Variants in NCKAP5 observed in about 807,000 individuals in gnomAD.
NCKAP5 encodes the protein NCK associated protein 5, also known as nck-associated protein 5.
A neutral mutation model predicts 167.0 loss-of-function variants in NCKAP5; 92 were observed. The observed-to-expected ratio is 0.55, with a 90% CI of 0.47 to 0.66. The LOEUF is 0.66. Among genes scored for constraint, NCKAP5 ranks in the 30% least tolerant of loss-of-function variants. The pLI, the probability that NCKAP5 is intolerant of heterozygous loss-of-function variation, is 0.00. For synonymous variants in NCKAP5, 891 were observed against 877.4 expected (o/e 1.02, Z -0.27); for missense variants, 2,378 against 2,315.0 (o/e 1.03, Z -0.56).
At chr2:132,708,337 G>A (rs942881493) in intron 19 of NCKAP5, among the ~76,000 whole-genome samples, 11 of 152,070 alleles carry the variant, frequency 7.2e-5, no homozygotes, top group Non-Finnish European at 1.3e-4. Flanking sequence ...AACTGCGCTC[G>A]AGTCCTAGCC....
chr2:133,667,403 A>T, the NCKAP5 span, among the ~76,000 whole-genome samples: 1 of 151,894 alleles, frequency 6.6e-6, no homozygotes, highest in Non-Finnish European at 1.5e-5. Flanking sequence ...TGTATCTGTC[A>T]TACTCCCTCC....
At chr2:132,682,029 T>C (rs185669497) in intron 19 of NCKAP5, among the ~76,000 whole-genome samples, 2 of 152,350 alleles carry the variant, frequency 1.3e-5, no homozygotes, top group Admixed American at 1.3e-4. Context: ...AGCTTTTCAT[T>C]TGGATAAAGT....
chr2:133,028,957 G>A (rs2078787176), intron 6 of NCKAP5, among the ~76,000 whole-genome samples: 1 of 152,128 alleles, frequency 6.6e-6, no homozygotes, highest in African/African-American at 2.4e-5. Context: ...CATGTGATGT[G>A]CCTGCTCCCC....
the NCKAP5 span, among the ~76,000 whole-genome samples, chr2:133,611,611 A>C: frequency 6.6e-6 from 1 of 152,138 alleles, no homozygotes; most frequent in African/African-American, 2.4e-5. Flanking sequence ...CTTAGCCCTC[A>C]TGAAATGACA....
At chr2:133,146,894 A>G (rs1213072486) in intron 5 of NCKAP5, among the ~76,000 whole-genome samples, 2 of 152,146 alleles carry the variant, frequency 1.3e-5, no homozygotes, top group Non-Finnish European at 2.9e-5. Flanking sequence ...AAAGAACTCA[A>G]GAAACAATTG....
chr2:133,319,199 G>A lies in NCKAP5; in HGVS notation c.70-16089C>T, dbSNP rs114417794. Among the ~76,000 whole-genome samples the A allele has an allele frequency of 8.9e-3, 1,114 of 125,458 alleles. 22 individuals are homozygous for A. The highest frequency in any genetic ancestry group is 0.082 in the South Asian group (343 of 4,172). The allele number at this position is 125,458 out of a possible 152,430, so 82.3% of individuals were successfully genotyped here. The stretch of plus-strand genomic sequence containing the variant: ...GCATTTTCAAGATAAATCATTTGAC[G>A]CTATAGTGAATTTGAATTACTATCA... On this transcript the variant is annotated intron_variant, in intron 3 of 19. Coordinates refer to ENST00000409261, the MANE Select transcript of NCKAP5 (RefSeq NM_207363.3).
At chr2:133,145,831 C>A (rs568667811) in intron 5 of NCKAP5, among the ~76,000 whole-genome samples, 1 of 152,134 alleles carries the variant, frequency 6.6e-6, no homozygotes, top group Admixed American at 6.6e-5. Context: ...TTGCAGCTTT[C>A]CTGAATGAAA....
intron 3 of NCKAP5, among the ~76,000 whole-genome samples, chr2:133,451,704 C>T (rs182939046): frequency 1.2e-4 from 18 of 152,190 alleles, no homozygotes; most frequent in African/African-American, 4.1e-4. Context: ...GACTTGCATT[C>T]TGGGTCCTAA....
chr2:132,740,099 G>A (rs1419496163), intron 16 of NCKAP5, among the ~76,000 whole-genome samples: 2 of 151,942 alleles, frequency 1.3e-5, no homozygotes, highest in Non-Finnish European at 2.9e-5. Context: ...TTTCCCCTCT[G>A]CAACCCTCAT....
intron 16 of NCKAP5, among the ~76,000 whole-genome samples, chr2:132,756,893 CTGTT>C (rs1405584565): frequency 2.0e-5 from 3 of 152,174 alleles, no homozygotes; most frequent in Non-Finnish European, 4.4e-5. Context: ...TATTTCCCCT[CTGTT>C]TGGGAGCTGA....
intron 3 of NCKAP5, among the ~76,000 whole-genome samples, chr2:133,404,778 C>A (rs1688318374): frequency 6.6e-6 from 1 of 152,190 alleles, no homozygotes; most frequent in South Asian, 2.1e-4. Flanking sequence ...ATATTCAGGT[C>A]TTTTCTTTCA....
intron 3 of NCKAP5, among the ~76,000 whole-genome samples, chr2:133,426,488 T>G (rs888768978): frequency 1.3e-5 from 2 of 150,900 alleles, no homozygotes; most frequent in Non-Finnish European, 2.9e-5. Context: ...AAATTTATTT[T>G]AAGAAGCCAG....
the NCKAP5 span, among the ~76,000 whole-genome samples, chr2:133,610,609 G>C: frequency 6.6e-6 from 1 of 152,050 alleles, no homozygotes; most frequent in South Asian, 2.1e-4. Context: ...TTAGAAGAAG[G>C]CTAGATATTC....
the NCKAP5 span, among the ~76,000 whole-genome samples, chr2:133,583,393 T>C: frequency 3.3e-5 from 5 of 152,188 alleles, no homozygotes; most frequent in African/African-American, 4.8e-5. Flanking sequence ...TGCTATGGGA[T>C]ATGCTGGCTA....
the NCKAP5 span, among the ~76,000 whole-genome samples, chr2:133,593,300 A>T: frequency 6.6e-6 from 1 of 152,150 alleles, no homozygotes; most frequent in South Asian, 2.1e-4. Flanking sequence ...CACAAAAAAA[A>T]GGAAGAAGAT....
At chr2:133,626,400 T>C in the NCKAP5 span, among the ~76,000 whole-genome samples, 1 of 152,042 alleles carries the variant, frequency 6.6e-6, no homozygotes, top group Non-Finnish European at 1.5e-5. Flanking sequence ...ATAAGCAAGA[T>C]CTAGACTGTA....
chr2:133,325,782 G>A (rs1034316463), intron 3 of NCKAP5, among the ~76,000 whole-genome samples: 1 of 152,196 alleles, frequency 6.6e-6, no homozygotes. Context: ...CAGAACCAAT[G>A]AGACTAACAT....
Position 132,783,863 on chromosome 2 carries a change from G to T in NCKAP5, c.2948C>A (p.Ser983Tyr). 6.5e-7 allele frequency: 1 copy of T among 1,531,020 alleles called. No individual in the cohort carries two copies. Among genetic ancestry groups the T allele is most frequent in the South Asian group, 1.3e-5 (1 of 76,668 alleles). 94.8% of individuals were successfully genotyped at this position (1,531,020 alleles called of 1,614,324 possible). The change falls in exon 14 of 20, where the codon TCT becomes TAT. Residue 983 changes from serine to tyrosine, a missense_variant. Ser to Tyr is a moderately radical substitution (Grantham distance 144, BLOSUM62 -2). This residue lies in a region of NCKAP5 where 1,325 missense variants were observed against 1,274.5 expected (regional missense o/e 1.04). Transcript: ENST00000409261. ...LLKGISAPVI[S>Y]SNPATTEVQR... ...CACTTCTGTCGTGGCCGGATTAGAA[G>T]AAATAACTGGAGCAGAAATTCCTTT...
At chr2:133,152,723 T>A (rs2083426157) in intron 5 of NCKAP5, among the ~76,000 whole-genome samples, 1 of 152,246 alleles carries the variant, frequency 6.6e-6, no homozygotes, top group South Asian at 2.1e-4. Context: ...TATAGTCATG[T>A]GCCATATAAC....
Sources: gnomAD v4.1 joint callset for allele counts (sites outside exome capture counted in the v4.1 genomes callset) on GRCh38, gnomAD v4.1.1 for gene constraint, gnomAD v4.1.1 regional missense constraint, MANE v1.5 for transcripts, NCBI Gene and HGNC (gene_info 2026-07-23, HGNC 2026-07-21) for gene names.